SLC38A4: variants seen among roughly 807,000 people sequenced by gnomAD.
SLC38A4 encodes the protein solute carrier family 38 member 4, also known as sodium-coupled neutral amino acid transporter 4.
In SLC38A4, 20 loss-of-function variants were observed where a neutral mutation model predicts 63.1. The ratio of observed to expected loss-of-function variants is 0.32; its 90% CI spans 0.22 to 0.46. The LOEUF is 0.46. Among genes scored for constraint, SLC38A4 ranks in the 20% least tolerant of loss-of-function variants. The pLI is 1.00. For missense variants in SLC38A4, 526 were observed against 663.6 expected (o/e 0.79, Z 2.28); for synonymous variants, 230 against 225.5 (o/e 1.02, Z -0.18).
rs201506313 is a variant in SLC38A4, at chr12:46,788,534, A to C, written c.204T>G (p.Asp68Glu). 6.2e-7 allele frequency: 1 copy of C among 1,613,094 alleles called. No homozygotes were observed. The highest frequency in any genetic ancestry group is 8.5e-7 in the Non-Finnish European group (1 of 1,179,460). Residue 68 changes from aspartate to glutamate, a missense_variant, in exon 4 of 17, where the codon GAT becomes GAG. By Grantham distance (45) the Asp-to-Glu change is conservative. Coordinates refer to ENST00000266579, the MANE Select transcript of SLC38A4 (RefSeq NM_018018.5). ...LGKKKLADYA[D>E]EHHPGTTSFG... ...AAAGCATAGATTCACTTACGTGTTC[A>C]TCAGCATAATCTGCCAGCTTCTTTT...
rs772579722 is a variant in SLC38A4, at chr12:46,766,710, C to A, written c.1635G>T (p.Lys545Asn). 2.5e-6 allele frequency: 4 copies of A among 1,606,208 alleles called. No individual in the cohort carries two copies. The highest frequency in any genetic ancestry group is 3.3e-4 in the Middle Eastern group (2 of 6,036). ...AGTATTTTTCCTTGTGTTAGTGATG[C>A]TTGGAATTTGGAGGATCATAAATCC... is the stretch of plus-strand genomic sequence containing the variant. ...IDWIYDPPNS[K>N]HH Residue 545 changes from lysine to asparagine, a missense_variant, in exon 17 of 17, where the codon AAG becomes AAT. Physicochemically the swap from Lys to Asn is moderately conservative, Grantham distance 94. Coordinates refer to ENST00000266579, the MANE Select transcript of SLC38A4 (RefSeq NM_018018.5).
Position 46,778,686 on chromosome 12 carries a change from G to A in SLC38A4, c.808C>T (p.His270Tyr), listed in dbSNP as rs757626961. The change falls in exon 11 of 17, where the codon CAT becomes TAT. Residue 270 changes from histidine to tyrosine, a missense_variant. His to Tyr is a moderately conservative substitution (Grantham distance 83). Coordinates refer to ENST00000266579, the MANE Select transcript of SLC38A4 (RefSeq NM_018018.5). ...GAGTTGTTGGGTAACATTACCACAT[G>A]CATTGGAAGCGTGTTGTTGAATGAC... is the stretch of plus-strand genomic sequence containing the variant. Reference protein sequence around the residue: ...NLSFNNTLPMHVVMLPNNSES... With the variant: ...NLSFNNTLPMYVVMLPNNSES... 6.2e-7 allele frequency: 1 copy of A among 1,612,932 alleles called. No individual in the cohort carries two copies. The highest frequency in any genetic ancestry group is 1.1e-5 in the South Asian group (1 of 91,060).
Position 46,780,045 on chromosome 12 carries a change from G to A in SLC38A4, c.494-15C>T. ...GCTTGACATTGCTAAAATGGAAAAT[G>A]TGACAGCTTAATGGTGTGGACAGTA... On this transcript the variant is annotated splice_polypyrimidine_tract_variant and intron_variant, in intron 7 of 16. Coordinates refer to ENST00000266579, the MANE Select transcript of SLC38A4 (RefSeq NM_018018.5). 6.3e-7 allele frequency: 1 copy of A among 1,593,658 alleles called. No individual in the cohort carries two copies.
At chr12:46,796,997 T>A (rs949558627) in intron 2 of SLC38A4, among the ~76,000 whole-genome samples, 15 of 152,138 alleles carry the variant, frequency 9.9e-5, no homozygotes, top group African/African-American at 3.4e-4. Context: ...TCTTTCTGCC[T>A]TCTAGGAATT....
chr12:46,784,140 A>G (rs149592290), intron 7 of SLC38A4, among the ~76,000 whole-genome samples: 15 of 152,178 alleles, frequency 9.9e-5, no homozygotes, highest in South Asian at 2.1e-4. Context: ...GCATTTGGCT[A>G]TGTTCCCCCA....
In SLC38A4 at chr12:46,777,036, T is replaced by A. The variant is rs368463898; in HGVS notation, c.1074-32A>T. Reference sequence around the variant, plus strand: ...AAAGAAAGAACACCAAGCTTTGTTTTTTAAACTTACAAAAAAAAATCACTT... The same window carrying A: ...AAAGAAAGAACACCAAGCTTTGTTTATTAAACTTACAAAAAAAAATCACTT... On this transcript the variant is annotated intron_variant, in intron 12 of 16. Coordinates refer to ENST00000266579, the MANE Select transcript of SLC38A4 (RefSeq NM_018018.5). 26 of 1,545,758 alleles carry A rather than the reference T, an allele frequency of 1.7e-5. No individual in the cohort carries two copies. In the African/African-American group the frequency reaches 3.5e-4, roughly 21 times the overall value.
At chr12:46,784,063 C>T (rs1467264124) in intron 7 of SLC38A4, among the ~76,000 whole-genome samples, 4 of 152,004 alleles carry the variant, frequency 2.6e-5, no homozygotes, top group Non-Finnish European at 4.4e-5. Context: ...AGACTTTTGC[C>T]TTAGTAAACT....
chr12:46,808,206 A>T (rs1565675519), intron 1 of SLC38A4, among the ~76,000 whole-genome samples: 1 of 151,972 alleles, frequency 6.6e-6, no homozygotes, highest in Non-Finnish European at 1.5e-5. Context: ...CCCAAATATG[A>T]AGCCCCAAAG....
chr12:46,829,817 C>T (rs75502098), upstream of SLC38A4, among the ~76,000 whole-genome samples: 1,635 of 152,254 alleles, frequency 0.011, 25 homozygotes, highest in African/African-American at 0.037. Context: ...TGTTCATTTA[C>T]GTTTATGAAC....
At chr12:46,805,447 C>G (rs1162345001) in intron 1 of SLC38A4, among the ~76,000 whole-genome samples, 1 of 151,974 alleles carries the variant, frequency 6.6e-6, no homozygotes, top group Non-Finnish European at 1.5e-5. Flanking sequence ...TTCCCTAGAT[C>G]ATTTGACATT....
intron 2 of SLC38A4, among the ~76,000 whole-genome samples, chr12:46,793,522 A>G (rs1004553927): frequency 1.3e-5 from 2 of 152,166 alleles, no homozygotes; most frequent in South Asian, 4.1e-4. Flanking sequence ...TGTGAGTGGG[A>G]TACATGTTTT....
intron 1 of SLC38A4, among the ~76,000 whole-genome samples, chr12:46,819,394 A>C (rs1939499147): frequency 6.6e-6 from 1 of 151,858 alleles, no homozygotes; most frequent in East Asian, 1.9e-4. Flanking sequence ...GAATATGCTA[A>C]TTACCCAGAT....
At chr12:46,778,894 T>C (rs1195018950) in intron 10 of SLC38A4, 118 bp from the exon 11 acceptor site, 5 of 872,574 alleles carry the variant, frequency 5.7e-6, no homozygotes, top group Non-Finnish European at 8.7e-6. Context: ...TAGGGATTCC[T>C]TTTAGACTAA....
rs755744868 is a variant in SLC38A4 at position 46,766,613 on chromosome 12, A to G, written c.*88T>C. Reference sequence around the variant, plus strand: ...GGAATCTTCCTGTTATTTCCTATGAATAACATTCCAATCAAGATAATTCAA... The same window carrying G: ...GGAATCTTCCTGTTATTTCCTATGAGTAACATTCCAATCAAGATAATTCAA... On this transcript the variant is annotated 3_prime_UTR_variant, in exon 17 of 17. Coordinates refer to ENST00000266579, the MANE Select transcript of SLC38A4 (RefSeq NM_018018.5). 5 of 940,882 alleles carry G rather than the reference A, an allele frequency of 5.3e-6. No individual in the cohort carries two copies. The Admixed American group carries it at 1.0e-4, about 19-fold the overall frequency. 58.3% of individuals were successfully genotyped at this position (940,882 alleles called of 1,614,324 possible).
chr12:46,777,827 G>A (rs76749942), intron 12 of SLC38A4, among the ~76,000 whole-genome samples: 1 of 152,032 alleles, frequency 6.6e-6, no homozygotes, highest in East Asian at 1.9e-4. Context: ...GACAACAAAG[G>A]ACAGATATTG....
chr12:46,769,710 A>AT (rs1938374741), intron 14 of SLC38A4, among the ~76,000 whole-genome samples: 1 of 152,064 alleles, frequency 6.6e-6, no homozygotes, highest in South Asian at 2.1e-4. Flanking sequence ...GTAATACTGT[A>AT]TTTTTACAGT....
chr12:46,792,179 G>T (rs887670159), intron 3 of SLC38A4, among the ~76,000 whole-genome samples: 6 of 152,158 alleles, frequency 3.9e-5, no homozygotes, highest in Admixed American at 6.5e-5. Context: ...AGAAATCAGG[G>T]CTCTCTCCCT....
chr12:46,782,189 G>C (rs965398676), intron 7 of SLC38A4, among the ~76,000 whole-genome samples: 8 of 151,972 alleles, frequency 5.3e-5, no homozygotes, highest in African/African-American at 1.7e-4. Context: ...AGAAATTTCT[G>C]CATTCCAGAA....
At chr12:46,788,381 A>C in intron 4 of SLC38A4, 147 bp downstream of exon 4, 1 of 645,648 alleles carries the variant, frequency 1.5e-6, no homozygotes, top group South Asian at 1.9e-5. Flanking sequence ...GGAAAAAACA[A>C]GCCCTTATTC....
Sources: gnomAD v4.1 joint callset for allele counts (sites outside exome capture counted in the v4.1 genomes callset) on GRCh38, gnomAD v4.1.1 for gene constraint, MANE v1.5 for transcripts, NCBI Gene and HGNC (gene_info 2026-07-23, HGNC 2026-07-21) for gene names.